The following LSP1 variants were observed in gnomAD, a reference collection of about 807,000 sequenced individuals.
LSP1 encodes lymphocyte-specific protein 1.
Under a neutral mutation model 49.3 loss-of-function variants are expected in LSP1, and 32 were observed. The ratio of observed to expected loss-of-function variants is 0.65; its 90% CI spans 0.49 to 0.87. The LOEUF (loss-of-function observed/expected upper bound fraction) is 0.87, where lower values mean the gene tolerates loss of function less well. Ranked by LOEUF, LSP1 falls within the 40% of genes least tolerant of loss-of-function variation. The pLI, the probability that LSP1 is intolerant of heterozygous loss-of-function variation, is 0.00. For synonymous variants in LSP1, 179 were observed against 178.8 expected (o/e 1.00, Z -0.01); for missense variants, 428 against 442.6 (o/e 0.97, Z 0.30).
chr11:1,878,982 C>T (rs1034588430), intron 1 of LSP1, among the ~76,000 whole-genome samples: 1 of 152,114 alleles, frequency 6.6e-6, no homozygotes, highest in African/African-American at 2.4e-5. Flanking sequence ...GCGCGTGGGA[C>T]CCCAAGAAGC....
intron 7 of LSP1, among the ~76,000 whole-genome samples, chr11:1,886,464 C>G (rs1425223205): frequency 6.6e-6 from 1 of 152,232 alleles, no homozygotes; most frequent in Non-Finnish European, 1.5e-5. Flanking sequence ...GGTCCCCCAG[C>G]CCTACCCCAT....
At chr11:1,870,089 C>T (rs61868778) in intron 1 of LSP1, 92,950 of 460,680 alleles carry the variant, frequency 0.2, 11,427 homozygotes, top group South Asian at 0.36. Flanking sequence ...ATTGTGAGGA[C>T]GGAGGCGCTG....
At chr11:1,866,951 G>A (rs1459744096) in intron 1 of LSP1, 3 of 1,461,814 alleles carry the variant, frequency 2.1e-6, no homozygotes, top group Non-Finnish European at 1.8e-6. Context: ...AACCGTGTGG[G>A]CCCAGGCTCG....
At chr11:1,886,176 T>G (rs753220087) in intron 7 of LSP1, among the ~76,000 whole-genome samples, 55 of 151,466 alleles carry the variant, frequency 3.6e-4, no homozygotes, top group Admixed American at 2.8e-3. Flanking sequence ...CAATACTCCT[T>G]TATCCAATCA....
At chr11:1,870,052 G>T in intron 1 of LSP1, 1 of 426,908 alleles carries the variant, frequency 2.3e-6, no homozygotes, top group Non-Finnish European at 4.9e-6. Flanking sequence ...CTGTAATGGG[G>T]ATGATAGGAC....
At chr11:1,867,606 C>T (rs1033164718) in intron 1 of LSP1, among the ~76,000 whole-genome samples, 3 of 152,152 alleles carry the variant, frequency 2.0e-5, no homozygotes, top group South Asian at 2.1e-4. Flanking sequence ...CTCCTCCACC[C>T]GCATCACCCC....
rs571380735 is a variant in LSP1, at chr11:1,874,609, C to T, written c.54-5478C>T. 7.9e-5 allele frequency among the ~76,000 whole-genome samples: 12 copies of T among 152,188 alleles called. No homozygotes were observed. In the East Asian group the frequency reaches 1.4e-3, roughly 17 times the overall value. On this transcript the variant is annotated intron_variant, in intron 1 of 10. Transcript: ENST00000311604. ...GGCTCCTGGTGACCAGAGCACTTTGCCTGAGCCAGCGTGGGAGGGAGGTGG... is the reference window on the plus strand; with the variant it reads ...GGCTCCTGGTGACCAGAGCACTTTGTCTGAGCCAGCGTGGGAGGGAGGTGG...
At chr11:1,866,882 C>T in intron 1 of LSP1, 4 of 1,531,244 alleles carry the variant, frequency 2.6e-6, no homozygotes, top group Non-Finnish European at 2.6e-6. Context: ...AGCATCCGTC[C>T]AGCGGGCCCA....
chr11:1,866,035 C>T (rs897183490), intron 1 of LSP1, among the ~76,000 whole-genome samples: 1 of 152,028 alleles, frequency 6.6e-6, no homozygotes, highest in Non-Finnish European at 1.5e-5. Flanking sequence ...GGTGGGAGAG[C>T]AGAGTTTGGA....
chr11:1,885,235 T>C (rs1456892478), intron 7 of LSP1, among the ~76,000 whole-genome samples: 1 of 151,546 alleles, frequency 6.6e-6, no homozygotes, highest in Non-Finnish European at 1.5e-5. Flanking sequence ...TACTCATCTA[T>C]CCAATGAATG....
chr11:1,865,475 C>T (rs991535006), intron 1 of LSP1, among the ~76,000 whole-genome samples: 3 of 151,934 alleles, frequency 2.0e-5, no homozygotes, highest in African/African-American at 7.3e-5. Flanking sequence ...CTGGCAGCTG[C>T]CCATGCATTC....
chr11:1,876,002 G>A (rs909699934), intron 1 of LSP1, among the ~76,000 whole-genome samples: 1 of 152,242 alleles, frequency 6.6e-6, no homozygotes, highest in African/African-American at 2.4e-5. Flanking sequence ...GGGGCCTGCT[G>A]ATGGGGGCTC....
At chr11:1,888,135 C>T (rs578109002) in intron 10 of LSP1, among the ~76,000 whole-genome samples, 45 of 152,262 alleles carry the variant, frequency 3.0e-4, no homozygotes, top group African/African-American at 1.1e-3. Context: ...ATTTCCAGCA[C>T]CCATCACACC....
intron 1 of LSP1, among the ~76,000 whole-genome samples, chr11:1,867,724 T>A (rs549674809): frequency 1.3e-5 from 2 of 152,158 alleles, no homozygotes; most frequent in South Asian, 2.1e-4. Context: ...TGAAGGGCCA[T>A]GCTAGGTGCC....
At chr11:1,853,970 G>A (rs1475469362) in intron 1 of LSP1, among the ~76,000 whole-genome samples, 1 of 152,196 alleles carries the variant, frequency 6.6e-6, no homozygotes, top group Non-Finnish European at 1.5e-5. Flanking sequence ...TAGTAACTGG[G>A]CTCCCTGGCA....
chr11:1,874,123 A>AGGCCGGCGGAGGAGGGAGGCCGGCAGAG (rs1350286759), intron 1 of LSP1, among the ~76,000 whole-genome samples: 1 of 118,428 alleles, frequency 8.4e-6, no homozygotes, highest in Non-Finnish European at 1.8e-5. Flanking sequence ...GAGGCTGGGG[A>AGGCCGGCGGAGGAGGGAGGCCGGCAGAG]CAGTGGGGGC....
At chr11:1,873,143 C>A (rs965745582) in intron 1 of LSP1, among the ~76,000 whole-genome samples, 1 of 149,028 alleles carries the variant, frequency 6.7e-6, no homozygotes, top group Non-Finnish European at 1.5e-5. Flanking sequence ...GAGTTGAGGG[C>A]TGGCATCTGG....
intron 1 of LSP1, among the ~76,000 whole-genome samples, chr11:1,859,100 G>A (rs963911758): frequency 5.3e-5 from 8 of 152,162 alleles, no homozygotes; most frequent in Non-Finnish European, 1.2e-4. Flanking sequence ...GAGCAGGGCC[G>A]CTCTGGTGGG....
At chr11:1,862,988 A>T (rs1847682666) in intron 1 of LSP1, among the ~76,000 whole-genome samples, 2 of 152,142 alleles carry the variant, frequency 1.3e-5, no homozygotes, top group Non-Finnish European at 2.9e-5. Flanking sequence ...TCTAGTGGAC[A>T]TTCCCTGCTT....
Sources: gnomAD v4.1 joint callset for allele counts (sites outside exome capture counted in the v4.1 genomes callset) on GRCh38, gnomAD v4.1.1 for gene constraint, MANE v1.5 for transcripts, NCBI Gene and HGNC (gene_info 2026-07-23, HGNC 2026-07-21) for gene names.